The following PRRC2B variants were observed in gnomAD, a reference collection of about 807,000 sequenced individuals.
PRRC2B encodes protein PRRC2B.
In PRRC2B, 68 loss-of-function variants were observed where a neutral mutation model predicts 242.3. The observed-to-expected ratio is 0.28, with a 90% CI of 0.23 to 0.34. PRRC2B has a LOEUF of 0.34. Among genes scored for constraint, PRRC2B ranks in the 10% least tolerant of loss-of-function variants. The pLI is 1.00. For missense variants in PRRC2B, 2,835 were observed against 2,954.8 expected, an observed-to-expected ratio of 0.96 and a Z score of 0.94; for synonymous variants, 1,228 against 1,173.6, an observed-to-expected ratio of 1.05 and a Z score of -0.95.
At chr9:131,420,453 T>C (rs13287270) in intron 1 of PRRC2B, among the ~76,000 whole-genome samples, 15,397 of 60,214 alleles carry the variant, frequency 0.26, 2,078 homozygotes, top group African/African-American at 0.32. Context: ...TTCTTTTTCT[T>C]TTTCTTTCTT....
rs1367433964 is a variant in PRRC2B at position 131,474,512 on chromosome 9, G to C, written c.2383G>C (p.Asp795His). Residue 795 changes from aspartate to histidine, a missense_variant, in exon 16 of 32, where the codon GAT becomes CAT. Asp to His is a moderately conservative substitution (Grantham distance 81). Around this residue, in one of 7 missense-constraint regions of PRRC2B, gnomAD observed 1,536 missense variants for 1,483.1 expected, o/e 1.04. Transcript: ENST00000683519. ...GGCAGGGGGCGTAAGTGCTCAGCGC[G>C]ATCTCTTTGAGGAGAGAGGGGAGGA... ...GRAGGVSAQR[D>H]LFEERGEEYL... The C allele has an allele frequency of 4.3e-6, 7 of 1,613,994 alleles. No homozygotes were observed. The highest frequency in any genetic ancestry group is 3.3e-5 in the Admixed American group (2 of 60,032).
rs72492021 is a variant in PRRC2B, at chr9:131,435,310, AAG to A, written c.294-1308_294-1307del. Among the ~76,000 whole-genome samples, 864 of 147,080 alleles carry A rather than the reference AAG, an allele frequency of 5.9e-3. 12 individuals carry two copies. Among genetic ancestry groups the A allele is most frequent in the African/African-American group, 0.021 (833 of 39,608 alleles). On this transcript the variant is annotated intron_variant, in intron 3 of 31. Transcript: ENST00000683519. The stretch of plus-strand genomic sequence containing the variant: ...GAGATTCCATCTCGAAAAAAAAGAA[AAG>A]AAAAAAAAGTTCTTATTGTAGGTCG...
intron 28 of PRRC2B, chr9:131,490,537 A>G (rs1944159661): frequency 1.9e-6 from 1 of 519,110 alleles, no homozygotes; most frequent in Non-Finnish European, 3.8e-6. Context: ...TGTGGACTCA[A>G]TAGCAGGGAG....
chr9:131,486,681 A>G, intron 26 of PRRC2B: 1 of 290,614 alleles, frequency 3.4e-6, no homozygotes, highest in Non-Finnish European at 5.1e-6. Context: ...CCTCAGACCC[A>G]TGTGCCTCCA....
In PRRC2B at chr9:131,475,449, G is replaced by A. The variant is rs941870780; in HGVS notation, c.3320G>A (p.Gly1107Asp). The A allele has an allele frequency of 1.9e-6, 3 of 1,582,432 alleles. No individual in the cohort carries two copies. The African/African-American group carries it at 4.1e-5, about 21-fold the overall frequency. The change falls in exon 16 of 32, where the codon GGC becomes GAC. Residue 1107 changes from glycine to aspartate, a missense_variant. Physicochemically the swap from Gly to Asp is moderately conservative, Grantham distance 94. Transcript: ENST00000683519. ...ATCTACTGCAGCAGTCAGCGCAGCGGCCGTGGCCGGGGCCTGCGAGAGTTT... is the reference window on the plus strand; with the variant it reads ...ATCTACTGCAGCAGTCAGCGCAGCGACCGTGGCCGGGGCCTGCGAGAGTTT... ...RSIYCSSQRS[G>D]RGRGLREFAR...
chr9:131,433,058 C>G (rs1401623507), intron 3 of PRRC2B, among the ~76,000 whole-genome samples: 1 of 152,184 alleles, frequency 6.6e-6, no homozygotes, highest in Non-Finnish European at 1.5e-5. Context: ...TCCCCAGTGA[C>G]CACTTTCCCC....
chr9:131,390,031 C>T (rs1440923919), upstream of PRRC2B, among the ~76,000 whole-genome samples: 4 of 146,618 alleles, frequency 2.7e-5, no homozygotes, highest in African/African-American at 9.9e-5. Flanking sequence ...AGCGATTCTC[C>T]TGCCTCAGCC....
chr9:131,420,493 C>CTTTCTTTTCTTTCTTTCTTTTCTTTCT lies in PRRC2B; in HGVS notation c.-51-9598_-51-9597insCTTTTCTTTCTTTCTTTTCTTTCTTTT. 4.4e-3 allele frequency among the ~76,000 whole-genome samples: 134 copies of CTTTCTTTTCTTTCTTTCTTTTCTTTCT among 30,180 alleles called. 17 individuals are homozygous for CTTTCTTTTCTTTCTTTCTTTTCTTTCT. Among genetic ancestry groups the CTTTCTTTTCTTTCTTTCTTTTCTTTCT allele is most frequent in the African/African-American group, 0.013 (122 of 9,264 alleles). The allele number at this position is 30,180 out of a possible 152,430, so 19.8% of individuals were successfully genotyped here. A position where few individuals can be genotyped will look rare whatever the true frequency, so the allele number is the denominator to read the frequency against. ...TCTTTCTTTCTTTCTTTCTTTCTTT[C>CTTTCTTTTCTTTCTTTCTTTTCTTTCT]TTTTTTTTTTTTTTTTTGAGATGGA... On this transcript the variant is annotated intron_variant, in intron 1 of 31. Coordinates refer to ENST00000683519, the MANE Select transcript of PRRC2B (RefSeq NM_013318.4).
intron 1 of PRRC2B, among the ~76,000 whole-genome samples, chr9:131,400,405 A>G (rs1027131529): frequency 4.0e-5 from 6 of 150,676 alleles, no homozygotes; most frequent in African/African-American, 1.5e-4. Context: ...TGCAACCTCC[A>G]CTTCCTGGGT....
chr9:131,490,712 A>AC (rs35360969), intron 28 of PRRC2B: 1 of 421,870 alleles, frequency 2.4e-6, no homozygotes, highest in Non-Finnish European at 4.8e-6. Context: ...GCTTCAAAGG[A>AC]CCCCCACAGT....
intron 16 of PRRC2B, among the ~76,000 whole-genome samples, chr9:131,476,867 C>T (rs1034139601): frequency 6.6e-6 from 1 of 152,140 alleles, no homozygotes; most frequent in East Asian, 1.9e-4. Flanking sequence ...TGCCAGGTGC[C>T]GGTCAGTCCA....
At chr9:131,388,514 A>C (rs1163853606) in intron 1 of PRRC2B, among the ~76,000 whole-genome samples, 1 of 149,600 alleles carries the variant, frequency 6.7e-6, no homozygotes, top group Non-Finnish European at 1.5e-5. Context: ...TGCTGGGATT[A>C]CAGACGTGTG....
Position 131,482,374 on chromosome 9 carries a change from G to A in PRRC2B, c.4987G>A (p.Gly1663Ser). ...SSTETGSAEQ[G>S]FKSSQGDSGV... ...ACCCATTTTGTGCTCTGCACAGCAG[G>A]GTTTTAAGAGCAGCCAGGGAGATAG... The change falls in exon 21 of 32, where the codon GGT becomes AGT. Residue 1663 changes from glycine to serine, a missense_variant. Gly to Ser is a moderately conservative substitution (Grantham distance 56). Coordinates refer to ENST00000683519, the MANE Select transcript of PRRC2B (RefSeq NM_013318.4). The surrounding 1 kb of genome is among the most constrained non-coding windows in gnomAD (Gnocchi z 5.2). 2 of 1,578,904 alleles carry A rather than the reference G, an allele frequency of 1.3e-6. No individual in the cohort carries two copies. Among genetic ancestry groups the A allele is most frequent in the Non-Finnish European group, 1.7e-6 (2 of 1,155,718 alleles).
chr9:131,396,981 T>C (rs2131277290), intron 1 of PRRC2B, among the ~76,000 whole-genome samples: 1 of 152,250 alleles, frequency 6.6e-6, no homozygotes, highest in East Asian at 1.9e-4. Flanking sequence ...ATTTTGGCAT[T>C]CCCGCAACCA....
chr9:131,463,628 C>CTTTTTTTTTTTTTTTTTTTTTTT (rs374951504), intron 11 of PRRC2B, among the ~76,000 whole-genome samples: 2 of 125,780 alleles, frequency 1.6e-5, no homozygotes, highest in African/African-American at 3.0e-5. Context: ...TTTAGGCATG[C>CTTTTTTTTTTTTTTTTTTTTTTT]TTTTTTTTTT....
chr9:131,450,392 C>T (rs562600138), intron 9 of PRRC2B, among the ~76,000 whole-genome samples: 227 of 151,892 alleles, frequency 1.5e-3, no homozygotes, highest in African/African-American at 5.2e-3. Flanking sequence ...CTCAGCCTCC[C>T]GAGTAGCTGG....
chr9:131,429,194 A>T (rs1258620975), intron 1 of PRRC2B, among the ~76,000 whole-genome samples: 6 of 152,144 alleles, frequency 3.9e-5, no homozygotes, highest in Non-Finnish European at 7.4e-5. Flanking sequence ...TGATCTGCCC[A>T]CCTTAGCCTC....
intron 17 of PRRC2B, 100 bp downstream of exon 17, chr9:131,478,049 G>C: frequency 1.9e-6 from 2 of 1,072,950 alleles, no homozygotes; most frequent in Non-Finnish European, 2.8e-6. Flanking sequence ...GAGTACCTTA[G>C]CTTTCGGAAC....
At chr9:131,469,704 A>G (rs531245305) in intron 13 of PRRC2B, among the ~76,000 whole-genome samples, 14 of 152,336 alleles carry the variant, frequency 9.2e-5, no homozygotes, top group Non-Finnish European at 1.3e-4. Context: ...CTCAAGGCCA[A>G]TTCAGGGTTC....
Sources: allele counts gnomAD v4.1 joint callset (sites outside exome capture counted in the v4.1 genomes callset), GRCh38; gene constraint gnomAD v4.1.1; regional missense constraint gnomAD v4.1.1; non-coding constraint Gnocchi (gnomAD v3.1); transcripts MANE v1.5; gene names NCBI Gene and HGNC (gene_info 2026-07-23, HGNC 2026-07-21).